Variants in ATAD2 observed in about 807,000 individuals in gnomAD.
ATAD2 encodes ATPase family AAA domain containing 2, also known as ATPase family AAA domain-containing protein 2.
In ATAD2, 62 loss-of-function variants were observed where a neutral mutation model predicts 168.9. That is an observed-to-expected ratio of 0.37 (90% confidence interval 0.30 to 0.45). The LOEUF (loss-of-function observed/expected upper bound fraction) is 0.45. Ranked by LOEUF, ATAD2 falls within the 20% of genes least tolerant of loss-of-function variation. ATAD2 has a pLI of 1.00. For synonymous variants in ATAD2, 613 were observed against 571.6 expected (o/e 1.07, Z -1.03); for missense variants, 1,419 against 1,667.8 (o/e 0.85, Z 2.60).
chr8:123,376,295 A>G (rs949556403), intron 2 of ATAD2, among the ~76,000 whole-genome samples: 1 of 151,050 alleles, frequency 6.6e-6, no homozygotes, highest in Non-Finnish European at 1.5e-5. Context: ...AATCCCAGCT[A>G]CTTGGGAGGC....
At chr8:123,343,067 C>A (rs1828111680) in intron 19 of ATAD2, among the ~76,000 whole-genome samples, 1 of 151,578 alleles carries the variant, frequency 6.6e-6, no homozygotes, top group Non-Finnish European at 1.5e-5. Flanking sequence ...TCACTACAAA[C>A]CCCACCTTCC....
At chr8:123,339,483 T>A in intron 19 of ATAD2, 37 bp from the exon 20 acceptor site, 1 of 1,502,688 alleles carries the variant, frequency 6.7e-7, no homozygotes, top group Non-Finnish European at 9.0e-7. Flanking sequence ...ATATCATATA[T>A]ACAGATGATC....
upstream of ATAD2, among the ~76,000 whole-genome samples, chr8:123,398,638 A>C (rs1812958611): frequency 6.6e-6 from 1 of 151,984 alleles, no homozygotes; most frequent in Admixed American, 6.6e-5. Flanking sequence ...CAGCCTCCCT[A>C]GTAGCTGGGA....
chr8:123,326,333 C>G (rs1827613874), intron 25 of ATAD2, among the ~76,000 whole-genome samples: 1 of 151,954 alleles, frequency 6.6e-6, no homozygotes, highest in Admixed American at 6.6e-5. Flanking sequence ...TAATCTAGAA[C>G]AGGGGTTGTA....
At chr8:123,358,983 C>T (rs577066632) in intron 11 of ATAD2, among the ~76,000 whole-genome samples, 1 of 152,022 alleles carries the variant, frequency 6.6e-6, no homozygotes, top group Non-Finnish European at 1.5e-5. Context: ...GGATTACAGG[C>T]ATGAGCCACT....
intron 2 of ATAD2, among the ~76,000 whole-genome samples, chr8:123,373,374 T>C (rs1829207245): frequency 6.6e-6 from 1 of 152,122 alleles, no homozygotes; most frequent in Non-Finnish European, 1.5e-5. Flanking sequence ...ATTTCTTATA[T>C]TCCATGATAC....
rs748172842 is a variant in ATAD2 at position 123,396,289 on chromosome 8, G to T, written c.69C>A (p.Asp23Glu). The part of the protein sequence containing the change: ...HSAASATGSL[D>E]LSSDFLSLEH... The stretch of plus-strand genomic sequence containing the variant: ...CCAGACTGAGGAAGTCACTGGACAG[G>T]TCCAAGGAGCCCGTGGCCGAGGCCG... Residue 23 changes from aspartate to glutamate, a missense_variant, in exon 1 of 28, where the codon GAC becomes GAA. Transcript: ENST00000287394. 4.5e-5 allele frequency: 72 copies of T among 1,610,898 alleles called. 1 individual carries two copies. Among genetic ancestry groups the T allele is most frequent in the South Asian group, 8.8e-5 (8 of 91,048 alleles).
At position 123,328,279 on chromosome 8, in the gene ATAD2, G is replaced by A; in HGVS notation, c.3779C>T (p.Ala1260Val). 1 of 1,589,688 alleles carries A rather than the reference G, an allele frequency of 6.3e-7. No individual in the cohort carries two copies. Among genetic ancestry groups the A allele is most frequent in the East Asian group, 2.3e-5 (1 of 43,990 alleles). The change falls in exon 25 of 28, where the codon GCA becomes GTA. Residue 1260 changes from alanine (A) to valine (V), a missense_variant. By Grantham distance (64) the Ala-to-Val change is moderately conservative. This residue lies in a region of ATAD2 where 303 missense variants were observed against 304.3 expected (regional missense o/e 1.00). Coordinates refer to ENST00000287394, the MANE Select transcript of ATAD2 (RefSeq NM_014109.4). ...AATCTTGTCTCTCAATTCTGTACAT[G>A]CTGTAGTCTTCCTAGAGTCTTCAAG... is the stretch of plus-strand genomic sequence containing the variant. ...NELEDSRKTT[A>V]CTELRDKIAC...
intron 10 of ATAD2, 117 bp downstream of exon 10, chr8:123,359,460 G>T: frequency 8.1e-7 from 1 of 1,227,952 alleles, no homozygotes; most frequent in Non-Finnish European, 1.2e-6. Context: ...AACAGAAAAC[G>T]TCTGTAAAGG....
chr8:123,389,175 A>G (rs923343021), intron 1 of ATAD2, among the ~76,000 whole-genome samples: 1 of 131,028 alleles, frequency 7.6e-6, no homozygotes, highest in African/African-American at 2.8e-5. Flanking sequence ...ATGTGGTTTC[A>G]CCGTGTTAGC....
intron 1 of ATAD2, among the ~76,000 whole-genome samples, chr8:123,408,034 A>T (rs1482470115): frequency 1.3e-5 from 2 of 152,238 alleles, no homozygotes; most frequent in African/African-American, 4.8e-5. Context: ...TAGCAAAATT[A>T]GAAAGTAAAC....
intron 1 of ATAD2, 145 bp from the exon 2 acceptor site, chr8:123,380,822 T>G: frequency 1.4e-6 from 1 of 720,816 alleles, no homozygotes; most frequent in Non-Finnish European, 2.2e-6. Flanking sequence ...AAACTACAAG[T>G]TAGTATCTAG....
intron 2 of ATAD2, among the ~76,000 whole-genome samples, chr8:123,373,069 T>G (rs898182152): frequency 6.6e-6 from 1 of 151,800 alleles, no homozygotes; most frequent in African/African-American, 2.4e-5. Context: ...ATTTTTTGGA[T>G]TTTTAGTAGA....
chr8:123,405,178 A>G (rs189631472), intron 1 of ATAD2, among the ~76,000 whole-genome samples: 38 of 152,302 alleles, frequency 2.5e-4, no homozygotes, highest in African/African-American at 8.9e-4. Context: ...TTGTGTTTCA[A>G]TAACACTTTA....
Position 123,370,977 on chromosome 8 carries a change from A to C in ATAD2, c.653T>G (p.Met218Arg), listed in dbSNP as rs747048970. 15 of 1,581,692 alleles carry C rather than the reference A, an allele frequency of 9.5e-6. No individual in the cohort carries two copies. Among genetic ancestry groups the C allele is most frequent in the Non-Finnish European group, 1.3e-5 (15 of 1,164,492 alleles). The change falls in exon 6 of 28, where the codon ATG (methionine) becomes AGG (arginine). Residue 218 changes from methionine (M) to arginine (R), a missense_variant. Physicochemically the swap from Met to Arg is moderately conservative, Grantham distance 91 (BLOSUM62 -1). Transcript: ENST00000287394. ...ATCTTTCTGTTTTCCTCTTGTGTAC[A>C]TATTAAGATTGCTCTAAAAATGTTT... ...FNETEESNLN[M>R]YTRGKQKDIQ...
intron 1 of ATAD2, chr8:123,401,789 A>G: frequency 1.3e-6 from 1 of 753,688 alleles, no homozygotes; most frequent in Admixed American, 1.8e-5. Context: ...GGTGCGGCTC[A>G]AGAAATACTG....
chr8:123,336,124 A>C lies in ATAD2; in HGVS notation c.3211+249T>G, dbSNP rs551244159. 1.5e-3 allele frequency among the ~76,000 whole-genome samples: 236 copies of C among 152,296 alleles called. 4 individuals are homozygous for C. Among genetic ancestry groups the C allele is most frequent in the African/African-American group, 5.3e-3 (221 of 41,558 alleles). On this transcript the variant is annotated intron_variant, in intron 22 of 27. Coordinates refer to ENST00000287394, the MANE Select transcript of ATAD2 (RefSeq NM_014109.4). ...TTAGAGGATCTATCATGTAATTGTT[A>C]ATAAACAGGGATTTGGGAATGAAAG...
rs758816583 is a variant in ATAD2, at chr8:123,372,671, C to T, written c.336G>A (p.Gln112=). 6.3e-7 allele frequency: 1 copy of T among 1,589,430 alleles called. No individual in the cohort carries two copies. The change falls in exon 3 of 28, where the codon CAG becomes CAA. Residue 112 remains glutamine, a synonymous_variant. Transcript: ENST00000287394. The part of the protein sequence containing the change: ...GRHFTRQLAR[Q]QADKKKEEHR... The stretch of plus-strand genomic sequence containing the variant: ...GCTCTTCTTTTTTTTTATCAGCCTG[C>T]TGTCTGGCCAACTGCCTATATTTTA...
intron 1 of ATAD2, among the ~76,000 whole-genome samples, chr8:123,389,238 A>G (rs910563869): frequency 6.8e-6 from 1 of 147,226 alleles, no homozygotes; most frequent in Non-Finnish European, 1.5e-5. Flanking sequence ...GGCCTCCCAA[A>G]GTGCTGGGAT....
Sources: gnomAD v4.1 joint callset for allele counts (sites outside exome capture counted in the v4.1 genomes callset) on GRCh38, gnomAD v4.1.1 for gene constraint, gnomAD v4.1.1 regional missense constraint, MANE v1.5 for transcripts, NCBI Gene and HGNC (gene_info 2026-07-23, HGNC 2026-07-21) for gene names.